Variants in TTLL8 observed in about 807,000 individuals in gnomAD.
TTLL8 encodes protein monoglycylase TTLL8.
Under a neutral mutation model 77.8 loss-of-function variants are expected in TTLL8, and 65 were observed. The observed-to-expected ratio is 0.84, with a 90% CI of 0.68 to 1.03. TTLL8 has a LOEUF of 1.03. TTLL8 is among the 50% of genes least tolerant of loss of function. The probability of loss-of-function intolerance (pLI) is 0.00; values close to 1 mark genes in which losing one functional copy is unlikely to be tolerated. For synonymous variants in TTLL8, 402 were observed against 422.8 expected (o/e 0.95, Z 0.60); for missense variants, 910 against 1,004.5 (o/e 0.91, Z 1.27).
intron 12 of TTLL8, 159 bp downstream of exon 13, chr22:50,030,271 C>T (rs949175505): frequency 3.0e-6 from 3 of 985,372 alleles, no homozygotes; most frequent in African/African-American, 1.7e-5. Flanking sequence ...AACCCCGCTC[C>T]CCGGCTCCCG....
chr22:50,027,865 C>T (rs371863581), intron 12 of TTLL8: 14 of 945,696 alleles, frequency 1.5e-5, no homozygotes, highest in African/African-American at 1.4e-4. Flanking sequence ...GCCGTGCCCT[C>T]GAGGGCCTGA....
intron 3 of TTLL8, among the ~76,000 whole-genome samples, chr22:50,047,954 G>A (rs986407408): frequency 7.9e-5 from 12 of 152,032 alleles, no homozygotes; most frequent in Admixed American, 2.6e-4. Flanking sequence ...AAAATTAGCC[G>A]GGCGTGGTGG....
chr22:50,057,444 G>A (rs369085292), upstream of TTLL8, among the ~76,000 whole-genome samples: 1 of 64,898 alleles, frequency 1.5e-5, no homozygotes. Context: ...GTCTGGGTTG[G>A]GGGTCAGGTC....
intron 8 of TTLL8, among the ~76,000 whole-genome samples, chr22:50,036,936 C>A (rs1190285915): frequency 6.6e-6 from 1 of 152,056 alleles, no homozygotes; most frequent in Non-Finnish European, 1.5e-5. Context: ...GAGATTCATC[C>A]ACGCTGCAGC....
At chr22:50,048,929 C>G (rs990581880) in intron 3 of TTLL8, among the ~76,000 whole-genome samples, 1 of 152,242 alleles carries the variant, frequency 6.6e-6, no homozygotes, top group Non-Finnish European at 1.5e-5. Flanking sequence ...ACACACCAGC[C>G]GGGCTGTCCG....
At chr22:50,030,960 T>C (rs772920895) in intron 11 of TTLL8, 35 bp from the exon 13 acceptor site, 9 of 1,301,972 alleles carry the variant, frequency 6.9e-6, no homozygotes, top group East Asian at 5.2e-5. Flanking sequence ...TGCTGGGCTG[T>C]GGCCGGGATA....
At chr22:50,022,002 C>T (rs1243101073) in intron 12 of TTLL8, among the ~76,000 whole-genome samples, 5 of 150,820 alleles carry the variant, frequency 3.3e-5, no homozygotes, top group African/African-American at 1.2e-4. Context: ...ACGTGCACTC[C>T]TCCATCTGAT....
intron 12 of TTLL8, among the ~76,000 whole-genome samples, chr22:50,022,868 G>T (rs772810151): frequency 4.6e-5 from 7 of 152,270 alleles, no homozygotes; most frequent in Non-Finnish European, 1.0e-4. Flanking sequence ...ATCAAGAGGT[G>T]AATTTACCAA....
chr22:50,055,132 G>A, upstream of TTLL8: 3 of 1,202,182 alleles, frequency 2.5e-6, no homozygotes, highest in Non-Finnish European at 3.2e-6. Flanking sequence ...GCAGCTCGGG[G>A]GCACAGTGCG....
At chr22:50,050,809 C>T (rs538463968) in intron 1 of TTLL8, among the ~76,000 whole-genome samples, 54 of 152,314 alleles carry the variant, frequency 3.5e-4, no homozygotes, top group Admixed American at 2.5e-3. Flanking sequence ...CCCCCAGTCA[C>T]GTTTCCCATG....
intron 12 of TTLL8, among the ~76,000 whole-genome samples, chr22:50,026,831 T>C (rs2061232324): frequency 6.6e-6 from 1 of 152,178 alleles, no homozygotes; most frequent in Admixed American, 6.5e-5. Flanking sequence ...AAACATCTAA[T>C]GAATGACATG....
At position 50,023,684 on chromosome 22, in the gene TTLL8, AAAAT is replaced by A. The variant is rs56403599; in HGVS notation, c.2203+6742_2203+6745del. Among the ~76,000 whole-genome samples the A allele has an allele frequency of 4.1e-3, 616 of 149,510 alleles. 3 individuals carry two copies. The highest frequency in any genetic ancestry group is 0.013 in the African/African-American group (518 of 40,292). ...TGGCAACAAAGCGAGACTCCGTCTC[AAAAT>A]AAATAAATAAATAAATAAATAAATA... On this transcript the variant is annotated intron_variant, in intron 12 of 13. Transcript: ENST00000266182.
At chr22:50,023,097 A>G (rs1024618997) in intron 12 of TTLL8, among the ~76,000 whole-genome samples, 1 of 152,284 alleles carries the variant, frequency 6.6e-6, no homozygotes, top group Admixed American at 6.5e-5. Context: ...CATTTCGCAC[A>G]TTTTAGCAAC....
At chr22:50,026,521 C>T (rs1457477014) in intron 12 of TTLL8, among the ~76,000 whole-genome samples, 1 of 152,170 alleles carries the variant, frequency 6.6e-6, no homozygotes, top group East Asian at 1.9e-4. Flanking sequence ...GCACCGCCGC[C>T]ACCTCAGAGC....
chr22:50,041,394 C>A lies in TTLL8; in HGVS notation c.831-117G>T, dbSNP rs1057505239. ...AAGATCCAGACAGACACCCCAATAC[C>A]CAACAAGTATCCCAGACATCCAGAC... On this transcript the variant is annotated intron_variant, in intron 7 of 13. Transcript: ENST00000266182. This position sits in a 1 kb window ranked among gnomAD's most constrained non-coding sequence, Gnocchi z 4.3. The A allele has an allele frequency of 3.2e-6, 3 of 927,932 alleles. No homozygotes were observed. In the South Asian group the frequency reaches 4.3e-5, roughly 13 times the overall value. The allele number at this position is 927,932 out of a possible 1,614,324, so 57.5% of individuals were successfully genotyped here.
At position 50,034,499 on chromosome 22, in the gene TTLL8, A is replaced by G. The variant is rs1414702007; in HGVS notation, c.922-37T>C. The G allele has an allele frequency of 1.5e-6, 2 of 1,354,982 alleles. No individual in the cohort carries two copies. Among genetic ancestry groups the G allele is most frequent in the Non-Finnish European group, 2.0e-6 (2 of 1,017,096 alleles). The allele number at this position is 1,354,982 out of a possible 1,614,324, so 83.9% of individuals were successfully genotyped here. A position where few individuals can be genotyped will look rare whatever the true frequency, so the allele number is the denominator to read the frequency against. On this transcript the variant is annotated intron_variant, in intron 8 of 13. Coordinates refer to ENST00000266182, the Ensembl canonical transcript of TTLL8. The surrounding 1 kb of genome is among the most constrained non-coding windows in gnomAD (Gnocchi z 4.1). ...AATTTCTTGAATTGGAGATGAAAGC[A>G]TCGCCACTACAAAGCAAGATCCAGA...
chr22:50,045,138 G>A (rs1430344147), intron 6 of TTLL8, 117 bp downstream of exon 8: 1 of 1,131,068 alleles, frequency 8.8e-7, no homozygotes, highest in East Asian at 6.0e-5. Context: ...AGGCATCGCT[G>A]TATCCAGCCC....
At position 50,034,449 on chromosome 22, in the gene TTLL8, A is replaced by G. The variant is rs2061321761; in HGVS notation, c.935T>C (p.Leu312Pro). The G allele has an allele frequency of 7.3e-7, 1 of 1,367,182 alleles. No individual in the cohort carries two copies. Among genetic ancestry groups the G allele is most frequent in the African/African-American group, 1.5e-5 (1 of 67,866 alleles). 84.7% of individuals were successfully genotyped at this position (1,367,182 alleles called of 1,614,324 possible). A position where few individuals can be genotyped will look rare whatever the true frequency, so the allele number is the denominator to read the frequency against. The change falls in exon 9 of 14, where the codon CTG becomes CCG. Residue 312 changes from leucine to proline, a missense_variant. Transcript: ENST00000266182. This position sits in a 1 kb window ranked among gnomAD's most constrained non-coding sequence, Gnocchi z 4.1. ...AGGGTTCACAGACGTGATTCTATTC[A>G]GCAGAGCCTGGCACTGCGAAAAGTA... is the stretch of plus-strand genomic sequence containing the variant.
intron 1 of TTLL8, among the ~76,000 whole-genome samples, chr22:50,051,560 G>A (rs542625862): frequency 1.3e-5 from 2 of 152,296 alleles, no homozygotes; most frequent in African/African-American, 4.8e-5. Context: ...CCAGGAGTAC[G>A]GTTGCTGGAT....
Sources: allele counts gnomAD v4.1 joint callset (sites outside exome capture counted in the v4.1 genomes callset), GRCh38; gene constraint gnomAD v4.1.1; non-coding constraint Gnocchi (gnomAD v3.1); transcripts MANE v1.5; gene names NCBI Gene and HGNC (gene_info 2026-07-23, HGNC 2026-07-21).